The following ZNF782 variants were observed in gnomAD, a reference collection of about 807,000 sequenced individuals.
ZNF782 encodes zinc finger protein 782.
A neutral mutation model predicts 13.0 loss-of-function variants in ZNF782; 12 were observed. The ratio of observed to expected loss-of-function variants is 0.92; its 90% CI spans 0.59 to 1.50. The LOEUF (loss-of-function observed/expected upper bound fraction) is 1.50. ZNF782 is among the 40% of genes most tolerant of loss of function. The pLI, the probability that ZNF782 is intolerant of heterozygous loss-of-function variation, is 0.00. For synonymous variants in ZNF782, 284 were observed against 283.0 expected, an observed-to-expected ratio of 1.00 and a Z score of -0.04; for missense variants, 770 against 822.9, an observed-to-expected ratio of 0.94 and a Z score of 0.79.
chr9:96,865,170 G>A (rs1167161355), intron 1 of ZNF782, among the ~76,000 whole-genome samples: 1 of 152,170 alleles, frequency 6.6e-6, no homozygotes, highest in Non-Finnish European at 1.5e-5. Flanking sequence ...ATTCTCTTCT[G>A]ACCAGGGTGA....
At position 96,844,985 on chromosome 9, in the gene ZNF782, T is replaced by C. The variant is rs770666121; in HGVS notation, c.47A>G (p.Glu16Gly). Residue 16 changes from glutamate to glycine, a missense_variant, in exon 4 of 6, where the codon GAA becomes GGA. Transcript: ENST00000481138. ...ASVSFQDVTV[E>G]FSQEEWQHMG... Reference sequence around the variant, plus strand: ...GTGCTGCCACTCCTCCTGGCTGAATTCCACAGTCACGTCCTGGAATGACAC... The same window carrying C: ...GTGCTGCCACTCCTCCTGGCTGAATCCCACAGTCACGTCCTGGAATGACAC... 1 of 1,614,020 alleles carries C rather than the reference T, an allele frequency of 6.2e-7. No homozygotes were observed. The highest frequency in any genetic ancestry group is 2.2e-5 in the East Asian group (1 of 44,862).
upstream of ZNF782, among the ~76,000 whole-genome samples, chr9:96,857,995 A>G (rs7040493): frequency 0.078 from 11,892 of 152,214 alleles, 1,416 homozygotes; most frequent in African/African-American, 0.26. Flanking sequence ...TACAGTAAAT[A>G]TCTTTATGGC....
chr9:96,823,662 T>A (rs1307855760), intron 5 of ZNF782, among the ~76,000 whole-genome samples: 3 of 152,230 alleles, frequency 2.0e-5, no homozygotes, highest in Non-Finnish European at 4.4e-5. Context: ...AAACACTGAA[T>A]TATTTTAGTT....
the ZNF782 span, among the ~76,000 whole-genome samples, chr9:96,932,978 C>CTTTT: frequency 3.1e-5 from 4 of 129,444 alleles, no homozygotes; most frequent in South Asian, 2.7e-4. Context: ...CTTTTCTTTT[C>CTTTT]TTTTTTTTTT....
At chr9:96,859,469 C>T (rs1851680310), upstream of ZNF782, among the ~76,000 whole-genome samples, 2 of 152,106 alleles carry the variant, frequency 1.3e-5, no homozygotes, top group South Asian at 4.1e-4. Flanking sequence ...CATGAGACCC[C>T]CCTTTCAGGT....
At chr9:96,882,875 G>A in the ZNF782 span, among the ~76,000 whole-genome samples, 2 of 152,158 alleles carry the variant, frequency 1.3e-5, no homozygotes, top group Admixed American at 6.5e-5. Flanking sequence ...TGAACTTGTA[G>A]GAGGGGTGGT....
At chr9:96,912,677 T>C in the ZNF782 span, among the ~76,000 whole-genome samples, 1 of 151,528 alleles carries the variant, frequency 6.6e-6, no homozygotes, top group Non-Finnish European at 1.5e-5. Flanking sequence ...TACAGGCGTA[T>C]GCCATCACGC....
rs1057141265 is a variant in ZNF782, at chr9:96,850,143, A to C, written c.15+1804T>G. ...AAGTAGATCTACCATTCGATCTAGC[A>C]ATCCCACTACTGGGTATCTACCCAA... On this transcript the variant is annotated intron_variant, in intron 3 of 5. Transcript: ENST00000481138. The surrounding 1 kb of genome is among the most constrained non-coding windows in gnomAD (Gnocchi z 4.3). Among the ~76,000 whole-genome samples, 22 of 152,246 alleles carry C rather than the reference A, an allele frequency of 1.4e-4. No individual in the cohort carries two copies. The highest frequency in any genetic ancestry group is 4.8e-4 in the African/African-American group (20 of 41,472).
In ZNF782 at chr9:96,854,095, T is replaced by G. The variant is rs926660085; in HGVS notation, c.-269A>C. On this transcript the variant is annotated 5_prime_UTR_variant, in exon 1 of 6. Coordinates refer to ENST00000481138, the MANE Select transcript of ZNF782 (RefSeq NM_001001662.3). ...GACAGAGATGGAACTTACCCGGGTT[T>G]TTCCAGCTCCAGAGCTCGGGGTCTC... 6.6e-6 allele frequency: 1 copy of G among 152,176 alleles called. No homozygotes were observed. The highest frequency in any genetic ancestry group is 1.5e-5 in the Non-Finnish European group (1 of 68,042). 9.4% of individuals were successfully genotyped at this position (152,176 alleles called of 1,614,324 possible). A position where few individuals can be genotyped will look rare whatever the true frequency, so the allele number is the denominator to read the frequency against.
At chr9:96,914,236 C>T in the ZNF782 span, among the ~76,000 whole-genome samples, 12 of 151,776 alleles carry the variant, frequency 7.9e-5, no homozygotes, top group East Asian at 2.1e-3. Context: ...ATTCTCCTGC[C>T]TCAGTCTCCT....
chr9:96,819,470 T>A lies in ZNF782; in HGVS notation c.553A>T (p.Lys185Ter). Residue 185 changes from lysine to a stop codon, truncating the protein, a stop_gained, in exon 6 of 6, where the codon AAA (lysine) becomes TAA (stop). Transcript: ENST00000481138. LOFTEE classifies it low-confidence loss of function (END_TRUNC). ...IKDGRTNTQE[K>*]SFAYSKIVKT... ...ACAATTTTACTATAAGCGAAAGATT[T>A]CTCTTGAGTGTTAGTTCTGCCATCC... The A allele has an allele frequency of 3.1e-6, 5 of 1,613,962 alleles. No homozygotes were observed. Among genetic ancestry groups the A allele is most frequent in the Non-Finnish European group, 4.2e-6 (5 of 1,179,998 alleles).
the ZNF782 span, among the ~76,000 whole-genome samples, chr9:96,885,407 T>C: frequency 8.5e-5 from 13 of 152,100 alleles, no homozygotes; most frequent in South Asian, 2.7e-3. Context: ...ATAAAATCAA[T>C]GAACCTGAAG....
At chr9:96,862,602 G>T (rs189776101) in intron 1 of ZNF782, among the ~76,000 whole-genome samples, 2 of 152,282 alleles carry the variant, frequency 1.3e-5, no homozygotes, top group African/African-American at 4.8e-5. Flanking sequence ...GACTAGTGAT[G>T]GTTTGTTTCT....
rs1286158073 is a variant in ZNF782, at chr9:96,818,956, T to C, written c.1067A>G (p.His356Arg). The C allele has an allele frequency of 1.9e-6, 3 of 1,614,096 alleles. No individual in the cohort carries two copies. The highest frequency in any genetic ancestry group is 1.3e-5 in the African/African-American group (1 of 74,944). ...TFSYQSTFSV[H>R]QKVHIRAKPY... is the part of the protein sequence containing the mutation. The stretch of plus-strand genomic sequence containing the variant: ...TTTTGCCCTTATGTGAACCTTCTGA[T>C]GTACACTGAAAGTTGACTGGTAGCT... Residue 356 changes from histidine (H) to arginine (R), a missense_variant, in exon 6 of 6, where the codon CAT (histidine) becomes CGT (arginine). Physicochemically the swap from His to Arg is conservative, Grantham distance 29. Transcript: ENST00000481138.
At chr9:96,879,159 A>AATCCTCACTTTGGCATAGTT (rs1400021775), upstream of ZNF782, among the ~76,000 whole-genome samples, 1 of 152,224 alleles carries the variant, frequency 6.6e-6, no homozygotes, top group African/African-American at 2.4e-5. Flanking sequence ...AAGAGATAAA[A>AATCCTCACTTTGGCATAGTT]ATCCTCACTT....
Position 96,819,217 on chromosome 9 carries a change from C to T in ZNF782, c.806G>A (p.Ser269Asn). Reference protein sequence around the residue: ...IIPQNMNPEKSHYEFNDTGNC... With the variant: ...IIPQNMNPEKNHYEFNDTGNC... ...TCCAGTATCATTAAACTCATAGTGA[C>T]TCTTCTCTGGATTCATGTTCTGAGG... is the stretch of plus-strand genomic sequence containing the variant. The change falls in exon 6 of 6, where the codon AGT becomes AAT. Residue 269 changes from serine to asparagine, a missense_variant. Transcript: ENST00000481138. 6.2e-7 allele frequency: 1 copy of T among 1,611,196 alleles called. No individual in the cohort carries two copies. The highest frequency in any genetic ancestry group is 8.5e-7 in the Non-Finnish European group (1 of 1,178,930).
In ZNF782 at chr9:96,818,647, A is replaced by T; in HGVS notation, c.1376T>A (p.Phe459Tyr). The T allele has an allele frequency of 4.3e-6, 7 of 1,613,912 alleles. No individual in the cohort carries two copies. Among genetic ancestry groups the T allele is most frequent in the Non-Finnish European group, 5.9e-6 (7 of 1,179,954 alleles). Reference protein sequence around the residue: ...PFECHECGKSFNYKSILIVHQ... With the variant: ...PFECHECGKSYNYKSILIVHQ... ...CACTATGAGGATTGACTTATAGTTAAAAGATTTCCCACATTCATGACATTC... is the reference window on the plus strand; with the variant it reads ...CACTATGAGGATTGACTTATAGTTATAAGATTTCCCACATTCATGACATTC... The change falls in exon 6 of 6, where the codon TTT (phenylalanine) becomes TAT (tyrosine). Residue 459 changes from phenylalanine (F) to tyrosine (Y), a missense_variant. By Grantham distance (22) the Phe-to-Tyr change is conservative. Coordinates refer to ENST00000481138, the MANE Select transcript of ZNF782 (RefSeq NM_001001662.3).
chr9:96,932,822 T>C, the ZNF782 span, among the ~76,000 whole-genome samples: 7 of 151,866 alleles, frequency 4.6e-5, no homozygotes, highest in Non-Finnish European at 1.0e-4. Flanking sequence ...CTGGCTAATT[T>C]TGTATTCGTA....
chr9:96,915,286 T>C, the ZNF782 span, among the ~76,000 whole-genome samples: 1 of 152,134 alleles, frequency 6.6e-6, no homozygotes, highest in Non-Finnish European at 1.5e-5. Context: ...TGCCTGCTCT[T>C]TGTTGAAAAT....
Sources: gnomAD v4.1 joint callset for allele counts (sites outside exome capture counted in the v4.1 genomes callset) on GRCh38, gnomAD v4.1.1 for gene constraint, Gnocchi (gnomAD v3.1) non-coding constraint, MANE v1.5 for transcripts, NCBI Gene and HGNC (gene_info 2026-07-23, HGNC 2026-07-21) for gene names.